Variants in PCNX2 observed in about 807,000 individuals in gnomAD.
The protein encoded by PCNX2 is pecanex 2.
Under a neutral mutation model 223.8 loss-of-function variants are expected in PCNX2, and 168 were observed. The ratio of observed to expected loss-of-function variants is 0.75; its 90% confidence interval spans 0.66 to 0.85. The LOEUF is 0.85. PCNX2 is among the 40% of genes least tolerant of loss of function. PCNX2 has a pLI of 0.00. For missense variants in PCNX2, 2,507 were observed against 2,675.5 expected, an observed-to-expected ratio of 0.94 and a Z score of 1.39; for synonymous variants, 1,006 against 1,052.6, an observed-to-expected ratio of 0.96 and a Z score of 0.86.
intron 21 of PCNX2, among the ~76,000 whole-genome samples, chr1:233,129,689 A>T (rs764036912): frequency 6.6e-6 from 1 of 152,182 alleles, no homozygotes; most frequent in African/African-American, 2.4e-5. Flanking sequence ...ACCAATGGGC[A>T]CTCAGTATCT....
chr1:233,113,157 C>G (rs1675211057), intron 21 of PCNX2, among the ~76,000 whole-genome samples: 1 of 152,182 alleles, frequency 6.6e-6, no homozygotes, highest in Admixed American at 6.5e-5. Flanking sequence ...AGATTTACAG[C>G]TAGAAGCAGA....
chr1:233,294,414 ATACAC>A (rs1177500046), intron 1 of PCNX2, among the ~76,000 whole-genome samples: 5 of 152,196 alleles, frequency 3.3e-5, no homozygotes, highest in African/African-American at 9.7e-5. Context: ...GACCCTTTGG[ATACAC>A]TGCCGGAAAA....
In PCNX2 at chr1:233,258,340, TC is replaced by T; in HGVS notation, c.1521del (p.Lys508ArgfsTer34). The T allele has an allele frequency of 6.2e-7, 1 of 1,613,960 alleles. No individual in the cohort carries two copies. The highest frequency in any genetic ancestry group is 8.5e-7 in the Non-Finnish European group (1 of 1,179,884). ...TPDTGSESKVGKEGQTNLDPS... is the reference protein window; with the variant it reads ...TPDTGSESKVXKEGQTNLDPS... Reference sequence around the variant, plus strand: ...GGGTCAAGGTTAGTCTGGCCTTCCTTCCCCACCTTAGACTCGGAGCCTGTAT... The same window carrying T: ...GGGTCAAGGTTAGTCTGGCCTTCCTTCCCACCTTAGACTCGGAGCCTGTAT... On this transcript the variant is annotated frameshift_variant, in exon 5 of 34. Coordinates refer to ENST00000258229, the MANE Select transcript of PCNX2 (RefSeq NM_014801.4). LOFTEE classifies it high-confidence loss of function.
rs139808314 is a variant in PCNX2 at position 233,093,649 on chromosome 1, G to A, written c.3946+2106C>T. On this transcript the variant is annotated intron_variant, in intron 22 of 33. Transcript: ENST00000258229. The stretch of plus-strand genomic sequence containing the variant: ...TTTACAACTGATGAAGGATGAGGGG[G>A]CCGTCCATGGGTACGGGGGAGAGGG... Among the ~76,000 whole-genome samples, 315 of 152,216 alleles carry A rather than the reference G, an allele frequency of 2.1e-3. 2 individuals carry two copies. Among genetic ancestry groups the A allele is most frequent in the Middle Eastern group, 6.8e-3 (2 of 294 alleles).
intron 17 of PCNX2, among the ~76,000 whole-genome samples, chr1:233,163,727 C>T (rs1678634549): frequency 6.6e-6 from 1 of 151,938 alleles, no homozygotes; most frequent in African/African-American, 2.4e-5. Flanking sequence ...GACTTTCTGT[C>T]TTTAGTGATC....
chr1:233,118,101 G>T (rs545715868), intron 21 of PCNX2, among the ~76,000 whole-genome samples: 2 of 151,890 alleles, frequency 1.3e-5, no homozygotes, highest in African/African-American at 2.4e-5. Flanking sequence ...ATCAATCAAT[G>T]TAATCCACTT....
chr1:233,128,842 G>A (rs1676255843), intron 21 of PCNX2, among the ~76,000 whole-genome samples: 1 of 152,242 alleles, frequency 6.6e-6, no homozygotes, highest in South Asian at 2.1e-4. Context: ...AAGATAAAGA[G>A]AGGGAAGGGA....
chr1:233,133,538 A>T (rs942950158), intron 21 of PCNX2, among the ~76,000 whole-genome samples: 1 of 152,104 alleles, frequency 6.6e-6, no homozygotes, highest in African/African-American at 2.4e-5. Context: ...GGTCACTGAA[A>T]ATTAGTGCCC....
At chr1:233,273,514 C>A (rs1157304536) in intron 1 of PCNX2, among the ~76,000 whole-genome samples, 1 of 152,138 alleles carries the variant, frequency 6.6e-6, no homozygotes, top group Non-Finnish European at 1.5e-5. Flanking sequence ...TCCTTCTATC[C>A]AACTGCAAAT....
intron 25 of PCNX2, among the ~76,000 whole-genome samples, chr1:233,033,762 G>A (rs1671351022): frequency 6.6e-6 from 1 of 152,234 alleles, no homozygotes; most frequent in African/African-American, 2.4e-5. Context: ...CAGAGGCCTT[G>A]CATCATCCAA....
intron 10 of PCNX2, among the ~76,000 whole-genome samples, chr1:233,222,417 G>A (rs982316664): frequency 6.6e-6 from 1 of 152,128 alleles, no homozygotes; most frequent in Non-Finnish European, 1.5e-5. Flanking sequence ...TACAGGGGCT[G>A]AGCATGATGG....
chr1:233,244,509 G>A (rs757635083), intron 8 of PCNX2, among the ~76,000 whole-genome samples: 1 of 152,032 alleles, frequency 6.6e-6, no homozygotes, highest in South Asian at 2.1e-4. Context: ...CCACGAGTTC[G>A]AGACCAGCCT....
At chr1:233,105,223 G>T (rs1674697275) in intron 21 of PCNX2, among the ~76,000 whole-genome samples, 1 of 152,000 alleles carries the variant, frequency 6.6e-6, no homozygotes, top group South Asian at 2.1e-4. Context: ...CATCAAATCT[G>T]GTCCACTTCA....
intron 17 of PCNX2, among the ~76,000 whole-genome samples, chr1:233,175,840 G>GA: frequency 6.6e-6 from 1 of 152,000 alleles, no homozygotes; most frequent in Non-Finnish European, 1.5e-5. Context: ...CCTTGTAGTG[G>GA]AAAAAAAGCC....
intron 21 of PCNX2, among the ~76,000 whole-genome samples, chr1:233,124,766 A>C (rs1342347627): frequency 6.6e-6 from 1 of 152,240 alleles, no homozygotes; most frequent in Non-Finnish European, 1.5e-5. Context: ...TAGTCTTTGC[A>C]TCACACATAT....
intron 21 of PCNX2, among the ~76,000 whole-genome samples, chr1:233,110,881 A>C (rs892738701): frequency 4.0e-5 from 6 of 151,588 alleles, no homozygotes; most frequent in Admixed American, 2.6e-4. Context: ...TAGTGTAACA[A>C]CACCACACAT....
chr1:233,067,772 C>G (rs1672684197), intron 23 of PCNX2, among the ~76,000 whole-genome samples: 1 of 152,064 alleles, frequency 6.6e-6, no homozygotes, highest in Admixed American at 6.6e-5. Context: ...AGTGCCTGAC[C>G]AATAACTAAA....
intron 15 of PCNX2, among the ~76,000 whole-genome samples, chr1:233,197,758 TAAAC>T (rs1311601797): frequency 1.3e-5 from 2 of 152,158 alleles, no homozygotes; most frequent in African/African-American, 2.4e-5. Flanking sequence ...CAAAGGGAAA[TAAAC>T]AATTATCTTT....
chr1:233,271,261 G>T (rs1390472797), intron 1 of PCNX2, among the ~76,000 whole-genome samples: 1 of 152,072 alleles, frequency 6.6e-6, no homozygotes, highest in Non-Finnish European at 1.5e-5. Flanking sequence ...AATTAAAAAT[G>T]AAAATTAAAA....
Sources: gnomAD v4.1 joint callset for allele counts (sites outside exome capture counted in the v4.1 genomes callset) on GRCh38, gnomAD v4.1.1 for gene constraint, MANE v1.5 for transcripts, NCBI Gene and HGNC (gene_info 2026-07-23, HGNC 2026-07-21) for gene names.